Variants in TASP1 observed in about 807,000 individuals in gnomAD.
The protein encoded by TASP1 is threonine aspartase 1.
A neutral mutation model predicts 56.6 loss-of-function variants in TASP1; 16 were observed. The observed-to-expected ratio is 0.28, with a 90% CI of 0.19 to 0.43. TASP1 has a LOEUF of 0.43. Ranked by LOEUF, TASP1 falls within the 20% of genes least tolerant of loss-of-function variation. The pLI, the probability that TASP1 is intolerant of heterozygous loss-of-function variation, is 1.00. For missense variants in TASP1, 393 were observed against 511.6 expected (o/e 0.77, Z 2.24); for synonymous variants, 179 against 184.2 (o/e 0.97, Z 0.23).
intron 8 of TASP1, among the ~76,000 whole-genome samples, chr20:13,557,932 G>A (rs759040189): frequency 2.5e-4 from 38 of 151,878 alleles, no homozygotes; most frequent in African/African-American, 3.4e-4. Flanking sequence ...CATCACATCC[G>A]ATGCAGAAAC....
the TASP1 span, among the ~76,000 whole-genome samples, chr20:13,353,566 C>T: frequency 0.021 from 3,252 of 152,288 alleles, 86 homozygotes; most frequent in African/African-American, 0.064. Context: ...ATGTGGGACA[C>T]ATTCATCAGC....
chr20:13,345,728 C>T, the TASP1 span, among the ~76,000 whole-genome samples: 36 of 152,034 alleles, frequency 2.4e-4, no homozygotes, highest in Admixed American at 2.2e-3. Context: ...GATGCTTGTT[C>T]GCTGAGCCAA....
At chr20:13,431,028 AG>A (rs1178964157) in intron 12 of TASP1, among the ~76,000 whole-genome samples, 1 of 152,210 alleles carries the variant, frequency 6.6e-6, no homozygotes, top group East Asian at 1.9e-4. Flanking sequence ...TACAATTTTG[AG>A]AAAAGAAAGT....
In TASP1 at chr20:13,606,283, A is replaced by G. The variant is rs561803242; in HGVS notation, c.282+17163T>C. Among the ~76,000 whole-genome samples the G allele has an allele frequency of 2.6e-5, 4 of 152,242 alleles. No individual in the cohort carries two copies. In the East Asian group the frequency reaches 5.8e-4, roughly 22 times the overall value. On this transcript the variant is annotated intron_variant, in intron 4 of 13. Coordinates refer to ENST00000337743, the MANE Select transcript of TASP1 (RefSeq NM_017714.3). ...CTGAACAAGAACTCCCTTCCCCAAC[A>G]TCTTCACATGGCTTTCTCCCCCATT...
chr20:13,209,333 C>G, the TASP1 span, among the ~76,000 whole-genome samples: 1 of 152,168 alleles, frequency 6.6e-6, no homozygotes, highest in Non-Finnish European at 1.5e-5. Flanking sequence ...CTAATATACA[C>G]AGTCTTCACA....
chr20:13,169,961 A>G, the TASP1 span, among the ~76,000 whole-genome samples: 3 of 152,244 alleles, frequency 2.0e-5, no homozygotes, highest in Admixed American at 6.5e-5. Flanking sequence ...TCTTCAGGAT[A>G]ACAAAGGCAT....
intron 4 of TASP1, among the ~76,000 whole-genome samples, chr20:13,618,338 G>A (rs564865834): frequency 6.6e-5 from 10 of 152,138 alleles, no homozygotes; most frequent in African/African-American, 1.9e-4. Flanking sequence ...ATTTGAACCC[G>A]GGAGGTGGAG....
At chr20:13,148,680 A>G in the TASP1 span, among the ~76,000 whole-genome samples, 1 of 152,212 alleles carries the variant, frequency 6.6e-6, no homozygotes, top group Non-Finnish European at 1.5e-5. Flanking sequence ...TGGACCAGAA[A>G]TGGCAGCTAT....
At chr20:13,392,539 G>A (rs560690789) in intron 13 of TASP1, 2 of 255,598 alleles carry the variant, frequency 7.8e-6, no homozygotes, top group South Asian at 4.5e-5. Context: ...ATACTACTCC[G>A]GAAATGCTGA....
intron 13 of TASP1, among the ~76,000 whole-genome samples, chr20:13,401,654 T>C (rs2041741287): frequency 6.6e-6 from 1 of 152,204 alleles, no homozygotes; most frequent in African/African-American, 2.4e-5. Flanking sequence ...AGATTATAGT[T>C]TTTGTCTTGA....
At chr20:13,328,601 A>C in the TASP1 span, among the ~76,000 whole-genome samples, 2 of 152,240 alleles carry the variant, frequency 1.3e-5, no homozygotes, top group Non-Finnish European at 1.5e-5. Context: ...TGTGGTACAT[A>C]TACAACATGG....
At chr20:13,326,410 GTA>G in the TASP1 span, among the ~76,000 whole-genome samples, 6 of 152,080 alleles carry the variant, frequency 3.9e-5, no homozygotes, top group Non-Finnish European at 8.8e-5. Flanking sequence ...AATTTAGTAA[GTA>G]TATGTATATA....
the TASP1 span, among the ~76,000 whole-genome samples, chr20:13,367,845 C>T: frequency 6.6e-6 from 1 of 152,178 alleles, no homozygotes; most frequent in Admixed American, 6.5e-5. Context: ...GTTCACACCA[C>T]AGATGATGGG....
chr20:13,185,271 A>G, the TASP1 span, among the ~76,000 whole-genome samples: 49 of 152,246 alleles, frequency 3.2e-4, no homozygotes, highest in Non-Finnish European at 6.0e-4. Context: ...TGCTCTTAAG[A>G]CAGAGTCCAA....
chr20:13,604,987 CATATATATAT>C (rs3042652), intron 4 of TASP1, among the ~76,000 whole-genome samples: 88 of 140,494 alleles, frequency 6.3e-4, no homozygotes, highest in African/African-American at 2.2e-3. Context: ...AGACATAATA[CATATATATAT>C]ATATATATAT....
chr20:13,221,719 G>A, the TASP1 span: 3 of 1,325,266 alleles, frequency 2.3e-6, no homozygotes, highest in Non-Finnish European at 9.6e-7. Flanking sequence ...CTCCCCCGGC[G>A]TCACCGCCGC....
the TASP1 span, among the ~76,000 whole-genome samples, chr20:13,364,602 A>G: frequency 5.3e-5 from 8 of 152,164 alleles, no homozygotes; most frequent in Admixed American, 1.3e-4. Context: ...CCGTAGGCCT[A>G]AGATAGCTGG....
chr20:13,460,277 T>C (rs2146344508), intron 11 of TASP1, among the ~76,000 whole-genome samples: 1 of 152,260 alleles, frequency 6.6e-6, no homozygotes, highest in Non-Finnish European at 1.5e-5. Flanking sequence ...TTCACTTGAC[T>C]TTCAGGACTT....
At chr20:13,312,470 C>T in the TASP1 span, among the ~76,000 whole-genome samples, 136 of 152,332 alleles carry the variant, frequency 8.9e-4, 1 homozygote, top group African/African-American at 3.2e-3. Flanking sequence ...CAACTTCTCC[C>T]TTCCTCTCCC....
Sources: allele counts gnomAD v4.1 joint callset (sites outside exome capture counted in the v4.1 genomes callset), GRCh38; gene constraint gnomAD v4.1.1; transcripts MANE v1.5; gene names NCBI Gene and HGNC (gene_info 2026-07-23, HGNC 2026-07-21).